The following KANK2 variants were observed in gnomAD, a reference collection of about 807,000 sequenced individuals.
KANK2 encodes the protein KN motif and ankyrin repeat domains 2, also known as KN motif and ankyrin repeat domain-containing protein 2.
KANK2 carries 41 observed loss-of-function variants against 74.6 expected under a neutral mutation model. The observed-to-expected ratio is 0.55, with a 90% CI of 0.43 to 0.71. KANK2 has a LOEUF of 0.71. Among genes scored for constraint, KANK2 ranks in the 30% least tolerant of loss-of-function variants. KANK2 has a pLI of 0.00. For synonymous variants in KANK2, 537 were observed against 519.0 expected, an observed-to-expected ratio of 1.03 and a Z score of -0.47; for missense variants, 1,148 against 1,196.4, an observed-to-expected ratio of 0.96 and a Z score of 0.60.
chr19:11,182,242 T>C (rs959032371), intron 4 of KANK2, among the ~76,000 whole-genome samples: 1 of 151,944 alleles, frequency 6.6e-6, no homozygotes, highest in Admixed American at 6.6e-5. Context: ...GTTCTATCTA[T>C]GTTACCACAA....
At chr19:11,192,483 G>A (rs535991596) in intron 4 of KANK2, 50 of 235,412 alleles carry the variant, frequency 2.1e-4, no homozygotes, top group African/African-American at 1.2e-3. Flanking sequence ...TGCCCAGGCT[G>A]GAGTGCAGTG....
rs1568641569 is a variant in KANK2 at position 11,170,360 on chromosome 19, A to C, written c.2212-112T>G. ...TACTCTGATGGTGAAATGTACCCTCAACTTGCTGATCTCCTCCTGAATCTC... is the reference window on the plus strand; with the variant it reads ...TACTCTGATGGTGAAATGTACCCTCCACTTGCTGATCTCCTCCTGAATCTC... On this transcript the variant is annotated intron_variant, in intron 10 of 12. Coordinates refer to ENST00000586659, the MANE Select transcript of KANK2 (RefSeq NM_001136191.3). The surrounding 1 kb of genome is among the most constrained non-coding windows in gnomAD (Gnocchi z 5.2). 3.8e-6 allele frequency: 3 copies of C among 785,412 alleles called. No individual in the cohort carries two copies. The East Asian group carries it at 8.0e-5, about 21-fold the overall frequency. The allele number at this position is 785,412 out of a possible 1,614,324, so 48.7% of individuals were successfully genotyped here. A position where few individuals can be genotyped will look rare whatever the true frequency, so the allele number is the denominator to read the frequency against.
intron 4 of KANK2, among the ~76,000 whole-genome samples, chr19:11,190,074 T>C (rs1446200385): frequency 6.6e-6 from 1 of 152,226 alleles, no homozygotes; most frequent in Non-Finnish European, 1.5e-5. Context: ...GGATGAGAAC[T>C]TGGGCCCTAC....
intron 4 of KANK2, among the ~76,000 whole-genome samples, chr19:11,190,389 A>G (rs1355604447): frequency 2.0e-5 from 3 of 151,862 alleles, no homozygotes; most frequent in Non-Finnish European, 4.4e-5. Flanking sequence ...CGGCCTCCCA[A>G]AGTGCTAGGA....
At chr19:11,166,974 G>A (rs2078040283) in intron 12 of KANK2, among the ~76,000 whole-genome samples, 1 of 152,206 alleles carries the variant, frequency 6.6e-6, no homozygotes, top group Non-Finnish European at 1.5e-5. Context: ...GTGGCAATAA[G>A]GCCAGTGTGG....
At chr19:11,191,166 G>T (rs1324632367) in intron 4 of KANK2, among the ~76,000 whole-genome samples, 1 of 148,054 alleles carries the variant, frequency 6.8e-6, no homozygotes, top group Non-Finnish European at 1.5e-5. Flanking sequence ...TCAGCCTCCG[G>T]AGTAGCTGGG....
intron 4 of KANK2, 81 bp from the exon 5 acceptor site, chr19:11,178,801 C>T: frequency 7.5e-7 from 1 of 1,331,544 alleles, no homozygotes; most frequent in South Asian, 1.7e-5. Context: ...CACCCTGGGC[C>T]AGGAGCTGTA....
rs534266148 is a variant in KANK2 at position 11,184,872 on chromosome 19, C to A, written c.1250-6152G>T. Among the ~76,000 whole-genome samples the A allele has an allele frequency of 4.1e-5, 6 of 146,000 alleles. No individual in the cohort carries two copies. The South Asian group carries it at 1.3e-3, about 32-fold the overall frequency. On this transcript the variant is annotated intron_variant, in intron 4 of 12. Coordinates refer to ENST00000586659, the MANE Select transcript of KANK2 (RefSeq NM_001136191.3). Reference sequence around the variant, plus strand: ...TGTTGCCCAGGCTGGAGGGCAATGGCGTGATCTCAGCTCACTAGCAACCTC... The same window carrying A: ...TGTTGCCCAGGCTGGAGGGCAATGGAGTGATCTCAGCTCACTAGCAACCTC...
rs994608048 is a variant in KANK2 at position 11,168,689 on chromosome 19, G to T, written c.2502+1188C>A. On this transcript the variant is annotated intron_variant, in intron 12 of 12. Coordinates refer to ENST00000586659, the MANE Select transcript of KANK2 (RefSeq NM_001136191.3). The stretch of plus-strand genomic sequence containing the variant: ...TAGAACTGGGCCTAACATGCAGCAG[G>T]CGCTCAATAAATATTTTTCAAATGA... 5.3e-5 allele frequency among the ~76,000 whole-genome samples: 8 copies of T among 152,252 alleles called. No homozygotes were observed. The East Asian group carries it at 1.2e-3, about 22-fold the overall frequency.
chr19:11,186,085 T>TA (rs933457835), intron 4 of KANK2, among the ~76,000 whole-genome samples: 2 of 151,364 alleles, frequency 1.3e-5, no homozygotes, highest in Non-Finnish European at 2.9e-5. Context: ...GTCAGATGGA[T>TA]AAAAAAAATT....
chr19:11,181,949 G>A (rs1377217466), intron 4 of KANK2, among the ~76,000 whole-genome samples: 1 of 117,026 alleles, frequency 8.5e-6, no homozygotes, highest in Non-Finnish European at 1.7e-5. Flanking sequence ...ACGGAGTCTT[G>A]CTTTGTCATC....
intron 4 of KANK2, among the ~76,000 whole-genome samples, chr19:11,187,942 CTCAATAAAAAGGATGAAA>C (rs2147561574): frequency 6.6e-6 from 1 of 151,820 alleles, no homozygotes; most frequent in African/African-American, 2.4e-5. Flanking sequence ...GAGACCTCAT[CTCAATAAAAAGGATGAAA>C]GGAATAAAAA....
At chr19:11,182,921 G>T (rs1473369133) in intron 4 of KANK2, among the ~76,000 whole-genome samples, 1 of 149,942 alleles carries the variant, frequency 6.7e-6, no homozygotes, top group African/African-American at 2.5e-5. Flanking sequence ...CAACAGAAAA[G>T]CAGGCAGTGA....
chr19:11,193,891 T>C lies in KANK2; in HGVS notation c.189A>G (p.Ala63=), dbSNP rs758325179. The change falls in exon 4 of 13, where the codon GCA becomes GCG. Residue 63 remains alanine (A), a synonymous_variant. Transcript: ENST00000586659. This position sits in a 1 kb window ranked among gnomAD's most constrained non-coding sequence, Gnocchi z 9.6. ...IEKGHTLRRV[A]VQRRPRLSSL... The stretch of plus-strand genomic sequence containing the variant: ...AGCTCAGGCGGGGGCGGCGCTGCAC[T>C]GCCACGCGTCGCAGCGTGTGGCCCT... 1 of 1,613,692 alleles carries C rather than the reference T, an allele frequency of 6.2e-7. No homozygotes were observed. Among genetic ancestry groups the C allele is most frequent in the East Asian group, 2.2e-5 (1 of 44,880 alleles).
intron 4 of KANK2, among the ~76,000 whole-genome samples, chr19:11,182,136 G>A (rs2078538669): frequency 6.6e-6 from 1 of 151,700 alleles, no homozygotes; most frequent in African/African-American, 2.4e-5. Flanking sequence ...GGCTGGTCTT[G>A]AACTCCCAAT....
In KANK2 at chr19:11,176,721, C is replaced by G. The variant is rs113574057; in HGVS notation, c.1617G>C (p.Pro539=). 2 of 1,611,602 alleles carry G rather than the reference C, an allele frequency of 1.2e-6. No individual in the cohort carries two copies. The highest frequency in any genetic ancestry group is 2.2e-5 in the South Asian group (2 of 90,734). Residue 539 remains proline (P), a synonymous_variant, in exon 7 of 13, where the codon CCG becomes CCC. Transcript: ENST00000586659. ...TGAGCTGGGGGGCTTCGGCCACACT[C>G]GGAACCCTCTCCCTCGGCTCTGGGG... ...NEAPEPRERV[P]SVAEAPQLRP...
At chr19:11,176,931 T>C (rs1394585776) in intron 6 of KANK2, 114 bp from the exon 7 acceptor site, 12 of 1,234,876 alleles carry the variant, frequency 9.7e-6, no homozygotes, top group Non-Finnish European at 1.2e-5. Context: ...TCCCCATCTG[T>C]TCAATGGCAG....
chr19:11,179,478 T>C (rs1440854671), intron 4 of KANK2, among the ~76,000 whole-genome samples: 1 of 143,996 alleles, frequency 6.9e-6, no homozygotes. Context: ...CTCTACTAAA[T>C]ATACAAAAAT....
At chr19:11,188,095 GA>G (rs1383288674) in intron 4 of KANK2, among the ~76,000 whole-genome samples, 1 of 152,140 alleles carries the variant, frequency 6.6e-6, no homozygotes, top group Non-Finnish European at 1.5e-5. Flanking sequence ...GGCTGAAGGT[GA>G]AAAAATAATA....
Sources: allele counts gnomAD v4.1 joint callset (sites outside exome capture counted in the v4.1 genomes callset), GRCh38; gene constraint gnomAD v4.1.1; non-coding constraint Gnocchi (gnomAD v3.1); transcripts MANE v1.5; gene names NCBI Gene and HGNC (gene_info 2026-07-23, HGNC 2026-07-21).